TAF1: variants seen among roughly 807,000 people sequenced by gnomAD.
TAF1 encodes the protein TATA-box binding protein associated factor 1, also known as transcription initiation factor TFIID subunit 1.
TAF1 carries 2 observed loss-of-function variants against 138.5 expected under a neutral mutation model. The ratio of observed to expected loss-of-function variants is 0.01; its 90% CI spans 0.01 to 0.05. The LOEUF (loss-of-function observed/expected upper bound fraction) is 0.05, where lower values mean the gene tolerates loss of function less well. Ranked by LOEUF, TAF1 falls within the 10% of genes least tolerant of loss-of-function variation. The pLI is 1.00. For synonymous variants in TAF1, 437 were observed against 503.2 expected, an observed-to-expected ratio of 0.87 and a Z score of 1.76; for missense variants, 709 against 1,478.0, an observed-to-expected ratio of 0.48 and a Z score of 8.53.
At chrX:71,481,206 G>C (rs1195190945) in intron 13 of TAF1, among the ~76,000 whole-genome samples, 1 of 111,948 alleles carries the variant, frequency 8.9e-6, no homozygotes, top group Non-Finnish European at 1.9e-5. Flanking sequence ...TTGAACCCGG[G>C]AGGGGGAGGT....
chrX:71,522,628 C>T (rs1394643698), intron 13 of TAF1, among the ~76,000 whole-genome samples: 2 of 7,696 alleles, frequency 2.6e-4, no homozygotes, highest in Non-Finnish European at 5.2e-4. Flanking sequence ...TTTTTTTTTT[C>T]TGAGAAAGAG....
intron 13 of TAF1, among the ~76,000 whole-genome samples, chrX:71,477,622 C>G (rs928083205): frequency 4.5e-5 from 5 of 111,921 alleles, no homozygotes; most frequent in Non-Finnish European, 9.4e-5. Context: ...CCTTGGTATA[C>G]AAAAGGATTT....
chrX:71,457,266 ATGTT>A (rs2038348955), intron 34 of TAF1, among the ~76,000 whole-genome samples: 1 of 112,697 alleles, frequency 8.9e-6, no homozygotes, highest in Non-Finnish European at 1.9e-5. Flanking sequence ...TAAAAGTAAC[ATGTT>A]TGTTAGAGAA....
intron 14 of TAF1, among the ~76,000 whole-genome samples, chrX:71,386,784 G>A (rs1474932868): frequency 7.1e-5 from 8 of 112,874 alleles, no homozygotes. Flanking sequence ...TTTTTAATTA[G>A]TTTAATAATT....
chrX:71,368,283 C>A, intron 3 of TAF1, 113 bp downstream of exon 3: 1 of 775,224 alleles, frequency 1.3e-6, no homozygotes, highest in East Asian at 3.4e-5. Flanking sequence ...CTCTCTATGC[C>A]TTTGCTTTGG....
chrX:71,474,000 C>T (rs2038935922), intron 13 of TAF1, among the ~76,000 whole-genome samples: 1 of 110,754 alleles, frequency 9.0e-6, no homozygotes, highest in Non-Finnish European at 1.9e-5. Flanking sequence ...CAAAAATTAG[C>T]TGGGCGTGGT....
intron 22 of TAF1, among the ~76,000 whole-genome samples, chrX:71,395,194 GTTGGTACCA>G (rs1372155201): frequency 8.9e-6 from 1 of 111,786 alleles, no homozygotes; most frequent in Non-Finnish European, 1.9e-5. Flanking sequence ...CTAGAAAGAT[GTTGGTACCA>G]TTGATTAAAG....
At chrX:71,506,157 G>A (rs1182656453) in intron 13 of TAF1, among the ~76,000 whole-genome samples, 1 of 108,208 alleles carries the variant, frequency 9.2e-6, no homozygotes, top group Non-Finnish European at 1.9e-5. Flanking sequence ...CCGAGACCAC[G>A]CCATTGTATT....
intron 13 of TAF1, among the ~76,000 whole-genome samples, chrX:71,481,526 A>C (rs1269005851): frequency 8.9e-6 from 1 of 111,752 alleles, no homozygotes; most frequent in South Asian, 3.7e-4. Flanking sequence ...TTCCGTGAGG[A>C]ATGGGCTCTA....
intron 13 of TAF1, among the ~76,000 whole-genome samples, chrX:71,474,154 AAGAGAGAG>A (rs760729685): frequency 1.9e-5 from 2 of 107,043 alleles, no homozygotes; most frequent in Non-Finnish European, 3.8e-5. Flanking sequence ...AAAAGAAAGA[AAGAGAGAG>A]AGAGAGAGCA....
chrX:71,399,147 C>T (rs1217176562), intron 24 of TAF1, among the ~76,000 whole-genome samples: 3 of 111,112 alleles, frequency 2.7e-5, no homozygotes, highest in African/African-American at 9.8e-5. Flanking sequence ...GCCATGTTGC[C>T]CAGGCTAGTC....
At chrX:71,399,031 C>T (rs978898252) in intron 24 of TAF1, among the ~76,000 whole-genome samples, 1 of 110,487 alleles carries the variant, frequency 9.1e-6, no homozygotes, top group Non-Finnish European at 1.9e-5. Flanking sequence ...CCTCTGCCTC[C>T]TGGGCTCAAG....
At chrX:71,433,331 A>G (rs886439840) in intron 32 of TAF1, among the ~76,000 whole-genome samples, 1 of 111,902 alleles carries the variant, frequency 8.9e-6, no homozygotes, top group Non-Finnish European at 1.9e-5. Flanking sequence ...TTTGGAGCCG[A>G]GAGAATGATT....
intron 32 of TAF1, among the ~76,000 whole-genome samples, chrX:71,428,495 TCTC>T (rs1440881678): frequency 2.7e-5 from 3 of 111,881 alleles, no homozygotes; most frequent in Non-Finnish European, 5.6e-5. Context: ...AGTCTCTGCT[TCTC>T]CTATCTGTAA....
intron 14 of TAF1, among the ~76,000 whole-genome samples, chrX:71,529,083 T>G (rs1185184095): frequency 9.3e-5 from 10 of 107,381 alleles, no homozygotes; most frequent in African/African-American, 3.4e-4. Flanking sequence ...TTTTTGTTTT[T>G]TTTTTTGAGA....
intron 8 of TAF1, 73 bp downstream of exon 8, chrX:71,379,104 G>GTTTT: frequency 1.1e-5 from 4 of 372,366 alleles, no homozygotes; most frequent in Non-Finnish European, 1.2e-5. Context: ...GCTCAGCTGT[G>GTTTT]ATTTTTTTTT....
intron 22 of TAF1, among the ~76,000 whole-genome samples, chrX:71,396,060 A>T (rs2034828608): frequency 9.2e-6 from 1 of 108,192 alleles, no homozygotes; most frequent in Non-Finnish European, 1.9e-5. Context: ...GAGGCAGGAG[A>T]ATCGCTTGAA....
chrX:71,489,141 G>A (rs1392610402), intron 13 of TAF1, among the ~76,000 whole-genome samples: 1 of 108,873 alleles, frequency 9.2e-6, no homozygotes, highest in African/African-American at 3.3e-5. Context: ...ATCATATGCC[G>A]CCTGATGTCC....
rs755949925 is a variant in TAF1 at position 71,428,864 on chromosome X, T to C, written c.4753+4626T>C. 4.6e-4 allele frequency among the ~76,000 whole-genome samples: 52 copies of C among 112,295 alleles called. 1 individual carries two copies. The highest frequency in any genetic ancestry group is 1.6e-3 in the African/African-American group (49 of 30,991). ...CTTTTTTAAAAAAGATGTATATACG[T>C]ACAAAAAAGGCTGGAAGGAAACACA... On this transcript the variant is annotated intron_variant, in intron 32 of 37. Coordinates refer to ENST00000423759, the MANE Select transcript of TAF1 (RefSeq NM_004606.5).
Sources: allele counts gnomAD v4.1 joint callset (sites outside exome capture counted in the v4.1 genomes callset), GRCh38; gene constraint gnomAD v4.1.1; transcripts MANE v1.5; gene names NCBI Gene and HGNC (gene_info 2026-07-23, HGNC 2026-07-21).